Variants in TMEM132D observed in about 807,000 individuals in gnomAD.
TMEM132D encodes the protein mature OL transmembrane protein.
In TMEM132D, 21 loss-of-function variants were observed where a neutral mutation model predicts 62.3. That is an observed-to-expected ratio of 0.34 (90% CI 0.24 to 0.49). The LOEUF is 0.49. Ranked by LOEUF, TMEM132D falls within the 20% of genes least tolerant of loss-of-function variation. TMEM132D has a pLI of 0.99. For missense variants in TMEM132D, 1,346 were observed against 1,402.8 expected, an observed-to-expected ratio of 0.96 and a Z score of 0.65; for synonymous variants, 621 against 575.6, an observed-to-expected ratio of 1.08 and a Z score of -1.13.
At chr12:129,288,559 T>C (rs1421369134) in intron 4 of TMEM132D, among the ~76,000 whole-genome samples, 2 of 152,174 alleles carry the variant, frequency 1.3e-5, no homozygotes, top group Non-Finnish European at 2.9e-5. Flanking sequence ...TGAGATATCA[T>C]CTCATGCCTG....
At chr12:129,174,286 T>A (rs1228998658) in intron 5 of TMEM132D, among the ~76,000 whole-genome samples, 3 of 152,190 alleles carry the variant, frequency 2.0e-5, no homozygotes, top group Non-Finnish European at 4.4e-5. Flanking sequence ...TGTCCATGCG[T>A]TCTCATTGTT....
chr12:129,655,462 G>C (rs1295041466), intron 2 of TMEM132D, among the ~76,000 whole-genome samples: 2 of 151,830 alleles, frequency 1.3e-5, no homozygotes, highest in East Asian at 1.9e-4. Context: ...GGTCAGGCTG[G>C]TCTTGAACTC....
chr12:129,201,369 C>T (rs770592611), intron 5 of TMEM132D, among the ~76,000 whole-genome samples: 4 of 152,172 alleles, frequency 2.6e-5, no homozygotes, highest in African/African-American at 7.2e-5. Context: ...CGAGGCTATC[C>T]CACTCCTAAG....
chr12:129,087,976 A>AC, intron 5 of TMEM132D, among the ~76,000 whole-genome samples: 1 of 104,394 alleles, frequency 9.6e-6, no homozygotes. Context: ...GTCCTCCATG[A>AC]CCGGGTGTCC....
At chr12:129,778,559 G>A (rs551711690) in intron 1 of TMEM132D, among the ~76,000 whole-genome samples, 2 of 152,306 alleles carry the variant, frequency 1.3e-5, no homozygotes, top group East Asian at 3.9e-4. Context: ...CAGTCATCCT[G>A]AGCATTGAAG....
chr12:129,350,930 G>A (rs1157804761), intron 3 of TMEM132D, among the ~76,000 whole-genome samples: 1 of 152,214 alleles, frequency 6.6e-6, no homozygotes, highest in East Asian at 1.9e-4. Context: ...GAGGGCAAAT[G>A]ACAGCTGTTC....
intron 1 of TMEM132D, among the ~76,000 whole-genome samples, chr12:129,898,364 A>G (rs1484933632): frequency 6.6e-6 from 1 of 152,230 alleles, no homozygotes; most frequent in African/African-American, 2.4e-5. Flanking sequence ...GTCCCCTAGA[A>G]GAACTTAAAA....
chr12:129,412,830 G>A (rs1443181549), intron 3 of TMEM132D, among the ~76,000 whole-genome samples: 1 of 152,142 alleles, frequency 6.6e-6, no homozygotes, highest in African/African-American at 2.4e-5. Context: ...TCCAGCCTGG[G>A]AAACAAGAAC....
intron 3 of TMEM132D, among the ~76,000 whole-genome samples, chr12:129,477,530 G>T (rs2137051092): frequency 6.6e-6 from 1 of 152,262 alleles, no homozygotes; most frequent in Admixed American, 6.5e-5. Context: ...GTTAAAAATA[G>T]ACAAACAGGA....
chr12:129,523,437 T>A (rs1199257884), intron 3 of TMEM132D, among the ~76,000 whole-genome samples: 1 of 152,078 alleles, frequency 6.6e-6, no homozygotes, highest in Non-Finnish European at 1.5e-5. Flanking sequence ...TGCTATTAGG[T>A]TATTATTTAT....
At chr12:129,543,362 A>T (rs117727180) in intron 2 of TMEM132D, among the ~76,000 whole-genome samples, 15,343 of 147,976 alleles carry the variant, frequency 0.1, 999 homozygotes, top group Middle Eastern at 0.22. Context: ...GAGTGGGTGG[A>T]TGGATGGATG....
At chr12:129,470,883 A>G (rs978061124) in intron 3 of TMEM132D, among the ~76,000 whole-genome samples, 2 of 152,178 alleles carry the variant, frequency 1.3e-5, no homozygotes, top group African/African-American at 4.8e-5. Flanking sequence ...TGCATAAGTC[A>G]ATAAATAACC....
At position 129,834,433 on chromosome 12, in the gene TMEM132D, C is replaced by A. The variant is rs1293518213; in HGVS notation, c.79+68828G>T. On this transcript the variant is annotated intron_variant, in intron 1 of 8. Coordinates refer to ENST00000422113, the MANE Select transcript of TMEM132D (RefSeq NM_133448.3). Reference sequence around the variant, plus strand: ...TTGGAACAGGGCACATGGACCTACACCCCGCCCCCTCCCTCCCATACCACT... The same window carrying A: ...TTGGAACAGGGCACATGGACCTACAACCCGCCCCCTCCCTCCCATACCACT... 4.6e-5 allele frequency among the ~76,000 whole-genome samples: 7 copies of A among 151,396 alleles called. No homozygotes were observed. In the East Asian group the frequency reaches 1.4e-3, roughly 29 times the overall value.
At chr12:129,086,483 G>A (rs1293188671) in intron 5 of TMEM132D, among the ~76,000 whole-genome samples, 1 of 151,994 alleles carries the variant, frequency 6.6e-6, no homozygotes, top group Non-Finnish European at 1.5e-5. Flanking sequence ...CCACTTATAA[G>A]TAAGAATAAG....
rs1034804477 is a variant in TMEM132D at position 129,277,646 on chromosome 12, G to T, written c.1299+59988C>A. Among the ~76,000 whole-genome samples the T allele has an allele frequency of 3.9e-5, 6 of 152,134 alleles. No homozygotes were observed. Among genetic ancestry groups the T allele is most frequent in the Admixed American group, 3.9e-4 (6 of 15,272 alleles). ...AAAATTTAAAAGATTACATTTGAAA[G>T]TTAGAAACAAATTTAGTATCTCAAT... is the stretch of plus-strand genomic sequence containing the variant. On this transcript the variant is annotated intron_variant, in intron 4 of 8. Transcript: ENST00000422113. This position sits in a 1 kb window ranked among gnomAD's most constrained non-coding sequence, Gnocchi z 4.2.
chr12:129,713,257 G>T (rs1239133470), intron 1 of TMEM132D, among the ~76,000 whole-genome samples: 1 of 152,134 alleles, frequency 6.6e-6, no homozygotes, highest in African/African-American at 2.4e-5. Context: ...GCTCAAGTGT[G>T]AGAAACACTA....
At chr12:129,185,181 A>G (rs1283128237) in intron 5 of TMEM132D, among the ~76,000 whole-genome samples, 1 of 152,198 alleles carries the variant, frequency 6.6e-6, no homozygotes, top group African/African-American at 2.4e-5. Flanking sequence ...GACCATCTGT[A>G]TGACCTCACA....
intron 4 of TMEM132D, among the ~76,000 whole-genome samples, chr12:129,236,712 TG>T (rs1041584769): frequency 1.3e-5 from 2 of 152,166 alleles, no homozygotes; most frequent in African/African-American, 2.4e-5. Flanking sequence ...GAATGCCTTT[TG>T]TTTTTTTAAA....
chr12:129,366,980 G>A (rs571489663), intron 3 of TMEM132D, among the ~76,000 whole-genome samples: 12 of 152,306 alleles, frequency 7.9e-5, no homozygotes, highest in South Asian at 2.1e-4. Context: ...GAGGAAGCAC[G>A]CAGCGAGAAG....
Sources: gnomAD v4.1 joint callset for allele counts (sites outside exome capture counted in the v4.1 genomes callset) on GRCh38, gnomAD v4.1.1 for gene constraint, Gnocchi (gnomAD v3.1) non-coding constraint, MANE v1.5 for transcripts, NCBI Gene and HGNC (gene_info 2026-07-23, HGNC 2026-07-21) for gene names.